RABGAP1L: variants seen among roughly 807,000 people sequenced by gnomAD.
RABGAP1L encodes RAB GTPase activating protein 1 like.
RABGAP1L carries 63 observed loss-of-function variants against 137.7 expected under a neutral mutation model. The observed-to-expected ratio is 0.46, with a 90% CI of 0.37 to 0.56. The LOEUF is 0.56. Among genes scored for constraint, RABGAP1L ranks in the 20% least tolerant of loss-of-function variants. The probability of loss-of-function intolerance (pLI) is 0.00; values close to 1 mark genes in which losing one functional copy is unlikely to be tolerated. For synonymous variants in RABGAP1L, 431 were observed against 433.7 expected, an observed-to-expected ratio of 0.99 and a Z score of 0.08; for missense variants, 1,095 against 1,244.0, an observed-to-expected ratio of 0.88 and a Z score of 1.80.
At chr1:174,826,287 A>T (rs1691556974) in intron 19 of RABGAP1L, among the ~76,000 whole-genome samples, 1 of 151,962 alleles carries the variant, frequency 6.6e-6, no homozygotes, top group African/African-American at 2.4e-5. Flanking sequence ...GCTGGAGTGC[A>T]ATGGTGCGAT....
chr1:174,551,021 T>TATATATACACAC (rs1553330343), intron 13 of RABGAP1L, among the ~76,000 whole-genome samples: 6 of 122,790 alleles, frequency 4.9e-5, no homozygotes, highest in East Asian at 2.1e-4. Flanking sequence ...TATATATATA[T>TATATATACACAC]ACATACACAC....
At chr1:174,783,593 A>G (rs901693176) in intron 18 of RABGAP1L, among the ~76,000 whole-genome samples, 13 of 152,150 alleles carry the variant, frequency 8.5e-5, no homozygotes, top group South Asian at 2.1e-4. Context: ...AATTGCGACA[A>G]CTTACTCAAA....
At chr1:174,504,936 C>T (rs1416553888) in intron 13 of RABGAP1L, among the ~76,000 whole-genome samples, 1 of 152,150 alleles carries the variant, frequency 6.6e-6, no homozygotes, top group African/African-American at 2.4e-5. Flanking sequence ...AGTCATCCTA[C>T]AGAATGGGTG....
intron 13 of RABGAP1L, among the ~76,000 whole-genome samples, chr1:174,433,985 C>G (rs1307078683): frequency 6.6e-6 from 1 of 152,110 alleles, no homozygotes; most frequent in Non-Finnish European, 1.5e-5. Context: ...CTTTGACATG[C>G]ATGCATGTGT....
At chr1:174,471,945 G>C (rs923660164) in intron 13 of RABGAP1L, among the ~76,000 whole-genome samples, 4 of 152,082 alleles carry the variant, frequency 2.6e-5, no homozygotes, top group Non-Finnish European at 5.9e-5. Flanking sequence ...TCCATTATAC[G>C]AAGAGGAAGA....
At chr1:174,747,938 C>T (rs1365803668) in intron 17 of RABGAP1L, among the ~76,000 whole-genome samples, 1 of 151,248 alleles carries the variant, frequency 6.6e-6, no homozygotes, top group Non-Finnish European at 1.5e-5. Flanking sequence ...ACAACTGTCT[C>T]TATAAGCTAT....
Position 174,983,626 on chromosome 1 carries a change from A to G in RABGAP1L, c.2805+721A>G, listed in dbSNP as rs1194497500. On this transcript the variant is annotated intron_variant, in intron 24 of 25. Coordinates refer to ENST00000681986, the MANE Select transcript of RABGAP1L (RefSeq NM_001366446.1). Reference sequence around the variant, plus strand: ...TAAATGTGTAGTAAGTAATTTAGCAATCTTGAAAAGTGATTTAACCTTTTT... The same window carrying G: ...TAAATGTGTAGTAAGTAATTTAGCAGTCTTGAAAAGTGATTTAACCTTTTT... Among the ~76,000 whole-genome samples, 3 of 152,354 alleles carry G rather than the reference A, an allele frequency of 2.0e-5. No homozygotes were observed. The East Asian group carries it at 5.8e-4, about 29-fold the overall frequency.
At chr1:174,306,206 G>A (rs1031284593) in intron 11 of RABGAP1L, among the ~76,000 whole-genome samples, 6 of 152,160 alleles carry the variant, frequency 3.9e-5, no homozygotes, top group Non-Finnish European at 8.8e-5. Context: ...GCTATTGTGA[G>A]TAGTGCTGCA....
rs758509720 is a variant in RABGAP1L, at chr1:174,278,666, G to A, written c.1210G>A (p.Glu404Lys). ...AVDMVVTEVVEPVRFLLETVV... is the reference protein window; with the variant it reads ...AVDMVVTEVVKPVRFLLETVV... ...GGATATGGTAGTCACAGAGGTGGTG[G>A]AGCCTGTTCGCTTTCTCCTGGAGAC... Residue 404 changes from glutamate to lysine, a missense_variant, in exon 10 of 26, where the codon GAG (glutamate) becomes AAG (lysine). Glu to Lys is a moderately conservative substitution (Grantham distance 56). This residue lies in a region of RABGAP1L where 315 missense variants were observed against 324.8 expected (regional missense o/e 0.97). Transcript: ENST00000681986. 6.2e-7 allele frequency: 1 copy of A among 1,613,482 alleles called. No individual in the cohort carries two copies.
chr1:174,324,190 C>T (rs1365917434), intron 11 of RABGAP1L, among the ~76,000 whole-genome samples: 2 of 151,996 alleles, frequency 1.3e-5, no homozygotes, highest in South Asian at 4.2e-4. Flanking sequence ...GCCATTTTGA[C>T]AGTTGTCTTG....
chr1:174,934,145 A>G (rs966310928), intron 19 of RABGAP1L, among the ~76,000 whole-genome samples: 1 of 152,014 alleles, frequency 6.6e-6, no homozygotes, highest in African/African-American at 2.4e-5. Flanking sequence ...CTGGAGTACA[A>G]TGGCACAATC....
At chr1:174,378,016 A>G (rs1184336145) in intron 12 of RABGAP1L, among the ~76,000 whole-genome samples, 1 of 138,164 alleles carries the variant, frequency 7.2e-6, no homozygotes, top group Admixed American at 7.4e-5. Flanking sequence ...ATTCTCACCT[A>G]TGAGTGAGAA....
chr1:174,356,656 AT>A (rs1233626556), intron 11 of RABGAP1L, among the ~76,000 whole-genome samples: 1 of 152,028 alleles, frequency 6.6e-6, no homozygotes, highest in Non-Finnish European at 1.5e-5. Context: ...ATACATATTT[AT>A]TTTGTTTGAT....
chr1:174,861,589 CTT>C (rs967121477), intron 19 of RABGAP1L, among the ~76,000 whole-genome samples: 3 of 152,034 alleles, frequency 2.0e-5, no homozygotes, highest in Admixed American at 2.0e-4. Flanking sequence ...TAAAAGTTCT[CTT>C]TTCTCCATAT....
intron 13 of RABGAP1L, among the ~76,000 whole-genome samples, chr1:174,581,565 T>C (rs1178715283): frequency 1.3e-5 from 2 of 152,198 alleles, no homozygotes; most frequent in Admixed American, 1.3e-4. Flanking sequence ...TGGAGGGTGA[T>C]GACAAAAAGA....
chr1:174,948,986 A>G (rs1211110594), intron 19 of RABGAP1L: 2 of 152,210 alleles, frequency 1.3e-5, no homozygotes, highest in Non-Finnish European at 2.9e-5. Flanking sequence ...AAAAGATGAA[A>G]TAAAAATAGT....
In RABGAP1L at chr1:174,991,606, T is replaced by A. The variant is rs1410860049; in HGVS notation, c.*1605T>A. 1 of 152,248 alleles carries A rather than the reference T, an allele frequency of 6.6e-6. No individual in the cohort carries two copies. The highest frequency in any genetic ancestry group is 6.5e-5 in the Admixed American group (1 of 15,286). The allele number at this position is 152,248 out of a possible 1,614,324, so 9.4% of individuals were successfully genotyped here. A position where few individuals can be genotyped will look rare whatever the true frequency, so the allele number is the denominator to read the frequency against. On this transcript the variant is annotated 3_prime_UTR_variant, in exon 26 of 26. Transcript: ENST00000681986. Reference sequence around the variant, plus strand: ...TCTACAGCCCATAAAACTGATGTGATTGTTATGTTATACTCATCAGATAAT... The same window carrying A: ...TCTACAGCCCATAAAACTGATGTGAATGTTATGTTATACTCATCAGATAAT...
chr1:174,533,851 T>A (rs970841340), intron 13 of RABGAP1L, among the ~76,000 whole-genome samples: 2 of 151,990 alleles, frequency 1.3e-5, no homozygotes, highest in African/African-American at 4.8e-5. Context: ...TTTGTATTTT[T>A]ATTAGAGATG....
At chr1:174,498,065 AT>A (rs1270590151) in intron 13 of RABGAP1L, among the ~76,000 whole-genome samples, 4 of 152,280 alleles carry the variant, frequency 2.6e-5, no homozygotes, top group African/African-American at 9.6e-5. Flanking sequence ...TTTATTTCAC[AT>A]TTTTAAAGTT....
Sources: gnomAD v4.1 joint callset for allele counts (sites outside exome capture counted in the v4.1 genomes callset) on GRCh38, gnomAD v4.1.1 for gene constraint, gnomAD v4.1.1 regional missense constraint, MANE v1.5 for transcripts, NCBI Gene and HGNC (gene_info 2026-07-23, HGNC 2026-07-21) for gene names.